The following CCDC171 variants were observed in gnomAD, a reference collection of about 807,000 sequenced individuals.
CCDC171 encodes coiled-coil domain-containing protein 171.
In CCDC171, 177 loss-of-function variants were observed where a neutral mutation model predicts 168.2. The ratio of observed to expected loss-of-function variants is 1.05; its 90% CI spans 0.93 to 1.19. The LOEUF (loss-of-function observed/expected upper bound fraction) is 1.19. CCDC171 is among the 50% of genes most tolerant of loss of function. The pLI is 0.00. For synonymous variants in CCDC171, 687 were observed against 540.8 expected (o/e 1.27, Z -3.75); for missense variants, 1,991 against 1,539.0 (o/e 1.29, Z -4.91).
intron 2 of CCDC171, among the ~76,000 whole-genome samples, chr9:15,564,749 C>A (rs573247771): frequency 3.3e-4 from 50 of 152,286 alleles, no homozygotes; most frequent in African/African-American, 1.2e-3. Context: ...CCTAAGTGTG[C>A]TTTACAAAGA....
intron 3 of CCDC171, among the ~76,000 whole-genome samples, chr9:16,001,905 A>AT (rs1329181925): frequency 1.4e-5 from 2 of 145,158 alleles, no homozygotes; most frequent in African/African-American, 5.1e-5. Flanking sequence ...GGGTGCAATC[A>AT]TGGCTCACTG....
chr9:15,787,425 A>G (rs1191926497), intron 21 of CCDC171, among the ~76,000 whole-genome samples: 1 of 152,082 alleles, frequency 6.6e-6, no homozygotes, highest in East Asian at 1.9e-4. Flanking sequence ...TAATTTATTA[A>G]CCTAATTTAA....
At chr9:15,793,636 A>G (rs574542042) in intron 21 of CCDC171, among the ~76,000 whole-genome samples, 38 of 124,340 alleles carry the variant, frequency 3.1e-4, no homozygotes, top group Non-Finnish European at 3.4e-4. Flanking sequence ...TGCAAGCTCT[A>G]CTCTCCAGGT....
At chr9:15,695,158 G>A (rs1588007048) in intron 10 of CCDC171, 77 bp from the exon 11 acceptor site, 1 of 854,328 alleles carries the variant, frequency 1.2e-6, no homozygotes. Context: ...TTATACTTGT[G>A]TTATATATGT....
chr9:15,571,811 A>G lies in CCDC171; in HGVS notation c.177+52A>G, dbSNP rs550019722. ...TGTTAAAAGTTGAGTTTGATTTTTT[A>G]GATTTATTTCATATGAAAAACTCCA... On this transcript the variant is annotated intron_variant, in intron 3 of 25. Coordinates refer to ENST00000380701, the MANE Select transcript of CCDC171 (RefSeq NM_173550.4). The G allele has an allele frequency of 6.7e-6, 10 of 1,495,570 alleles. No individual in the cohort carries two copies. In the East Asian group the frequency reaches 2.4e-4, roughly 36 times the overall value. The allele number at this position is 1,495,570 out of a possible 1,614,324, so 92.6% of individuals were successfully genotyped here. A position where few individuals can be genotyped will look rare whatever the true frequency, so the allele number is the denominator to read the frequency against.
intron 7 of CCDC171, among the ~76,000 whole-genome samples, chr9:15,632,532 A>G (rs1246411811): frequency 6.6e-5 from 10 of 151,746 alleles, no homozygotes; most frequent in African/African-American, 1.9e-4. Context: ...GGATACAAAC[A>G]AATGGAAGAA....
At chr9:16,020,143 A>G (rs142609607) in intron 3 of CCDC171, among the ~76,000 whole-genome samples, 10 of 152,342 alleles carry the variant, frequency 6.6e-5, no homozygotes, top group African/African-American at 2.4e-4. Context: ...ACATGATGCC[A>G]TAAATGGAAA....
chr9:16,106,109 A>G, the CCDC171 span, among the ~76,000 whole-genome samples: 11 of 152,300 alleles, frequency 7.2e-5, 1 homozygote, highest in South Asian at 2.3e-3. Flanking sequence ...AGCAAGAGGG[A>G]TTCCGGGGAC....
chr9:15,957,031 G>GTTTT (rs60832172), intron 25 of CCDC171, among the ~76,000 whole-genome samples: 1 of 144,204 alleles, frequency 6.9e-6, no homozygotes, highest in Non-Finnish European at 1.5e-5. Flanking sequence ...CTAGAAGTCT[G>GTTTT]TTTTTTTTTT....
intron 1 of CCDC171, among the ~76,000 whole-genome samples, chr9:15,558,518 C>T (rs1050221895): frequency 1.3e-5 from 2 of 152,096 alleles, no homozygotes. Context: ...AGTTTATTTG[C>T]GTAGTGGTGT....
chr9:15,986,665 T>G (rs1589298455), intron 3 of CCDC171, among the ~76,000 whole-genome samples: 1 of 152,320 alleles, frequency 6.6e-6, no homozygotes, highest in East Asian at 1.9e-4. Flanking sequence ...ACCAACTTAC[T>G]GAACTTTAGA....
intron 21 of CCDC171, among the ~76,000 whole-genome samples, chr9:15,798,722 G>A (rs534356469): frequency 6.6e-6 from 1 of 152,238 alleles, no homozygotes; most frequent in South Asian, 2.1e-4. Context: ...TACTACAATG[G>A]TAGATTTAAG....
At chr9:15,823,745 A>G (rs1020975363) in intron 21 of CCDC171, among the ~76,000 whole-genome samples, 1 of 152,090 alleles carries the variant, frequency 6.6e-6, no homozygotes, top group Non-Finnish European at 1.5e-5. Flanking sequence ...TCTAATTTTA[A>G]TTTGTCATAG....
intron 21 of CCDC171, among the ~76,000 whole-genome samples, chr9:15,812,159 A>G (rs963537559): frequency 4.6e-5 from 7 of 152,188 alleles, no homozygotes; most frequent in Non-Finnish European, 8.8e-5. Flanking sequence ...GAGTCTAGAA[A>G]TCTGGAGCTT....
chr9:15,630,776 G>C lies in CCDC171; in HGVS notation c.822+7363G>C, dbSNP rs910919037. Among the ~76,000 whole-genome samples the C allele has an allele frequency of 5.3e-5, 8 of 152,248 alleles. No individual in the cohort carries two copies. In the East Asian group the frequency reaches 9.6e-4, roughly 18 times the overall value. On this transcript the variant is annotated intron_variant, in intron 7 of 25. Coordinates refer to ENST00000380701, the MANE Select transcript of CCDC171 (RefSeq NM_173550.4). ...AATTGACCACATAGTTGGAAGTAAA[G>C]CTCTCCTCAGCAAATGTAAAAGATG...
intron 21 of CCDC171, among the ~76,000 whole-genome samples, chr9:15,830,365 T>C (rs147381672): frequency 2.2e-4 from 33 of 152,350 alleles, no homozygotes; most frequent in African/African-American, 7.9e-4. Context: ...ATAATTCATA[T>C]CTTATTCCAG....
intron 18 of CCDC171, among the ~76,000 whole-genome samples, chr9:15,760,824 C>T (rs7869624): frequency 0.44 from 66,379 of 151,900 alleles, 14,809 homozygotes; most frequent in Non-Finnish European, 0.47. Context: ...TTCATGTTGC[C>T]TCTGTAAATA....
chr9:15,908,716 G>T (rs1314764425), intron 24 of CCDC171, among the ~76,000 whole-genome samples: 1 of 151,942 alleles, frequency 6.6e-6, no homozygotes. Context: ...TTGACTGATG[G>T]TTCTGTAGGC....
chr9:15,902,398 A>G (rs1821826779), intron 24 of CCDC171, among the ~76,000 whole-genome samples: 2 of 152,166 alleles, frequency 1.3e-5, no homozygotes, highest in African/African-American at 4.8e-5. Context: ...TTAAAGAATA[A>G]TTGATTAATT....
Sources: gnomAD v4.1 joint callset for allele counts (sites outside exome capture counted in the v4.1 genomes callset) on GRCh38, gnomAD v4.1.1 for gene constraint, MANE v1.5 for transcripts, NCBI Gene and HGNC (gene_info 2026-07-23, HGNC 2026-07-21) for gene names.